Variants in MARK4 observed in about 807,000 individuals in gnomAD.
MARK4 encodes microtubule affinity regulating kinase 4.
In MARK4, 19 loss-of-function variants were observed where a neutral mutation model predicts 81.5. That is an observed-to-expected ratio of 0.23 (90% confidence interval 0.16 to 0.34). MARK4 has a LOEUF of 0.34. Among genes scored for constraint, MARK4 ranks in the 10% least tolerant of loss-of-function variants. The pLI is 1.00. For missense variants in MARK4, 772 were observed against 1,058.8 expected, an observed-to-expected ratio of 0.73 and a Z score of 3.76; for synonymous variants, 436 against 439.0, an observed-to-expected ratio of 0.99 and a Z score of 0.08.
At chr19:45,295,997 C>A (rs1027096042) in intron 14 of MARK4, among the ~76,000 whole-genome samples, 5 of 152,100 alleles carry the variant, frequency 3.3e-5, no homozygotes, top group African/African-American at 1.2e-4. Flanking sequence ...TGGCTCAGTG[C>A]CCCTAACAAC....
chr19:45,251,708 C>T, intron 1 of MARK4, 69 bp downstream of exon 1: 1 of 1,387,284 alleles, frequency 7.2e-7, no homozygotes, highest in Non-Finnish European at 9.7e-7. Flanking sequence ...CCCCGTTGTA[C>T]CCCTCGCCCC....
chr19:45,275,489 A>T (rs941000756), intron 8 of MARK4, among the ~76,000 whole-genome samples: 4 of 85,416 alleles, frequency 4.7e-5, no homozygotes, highest in African/African-American at 1.5e-4. Context: ...TGTCTCTTTA[A>T]AAAAAAAAAA....
intron 10 of MARK4, 149 bp downstream of exon 10, chr19:45,278,764 C>T (rs891080317): frequency 4.2e-5 from 26 of 615,910 alleles, no homozygotes; most frequent in East Asian, 2.1e-4. Flanking sequence ...CCGCCATGCC[C>T]GGCTAATTTT....
At chr19:45,257,776 A>G (rs1444196231) in intron 1 of MARK4, among the ~76,000 whole-genome samples, 1 of 131,284 alleles carries the variant, frequency 7.6e-6, no homozygotes, top group East Asian at 2.2e-4. Context: ...TGCAAGCTCC[A>G]CCTCCTGGGT....
chr19:45,273,284 A>G (rs1970554783), intron 8 of MARK4, among the ~76,000 whole-genome samples: 1 of 152,210 alleles, frequency 6.6e-6, no homozygotes, highest in Non-Finnish European at 1.5e-5. Flanking sequence ...CTGTATTTGC[A>G]CATGATCTTT....
intron 12 of MARK4, among the ~76,000 whole-genome samples, chr19:45,282,895 G>A (rs1970694785): frequency 6.6e-6 from 1 of 151,816 alleles, no homozygotes; most frequent in South Asian, 2.1e-4. Flanking sequence ...GGGAGGCTGA[G>A]GTAGGAAGAC....
At chr19:45,252,713 CA>C (rs1970259849) in intron 1 of MARK4, among the ~76,000 whole-genome samples, 1 of 152,184 alleles carries the variant, frequency 6.6e-6, no homozygotes, top group Non-Finnish European at 1.5e-5. Context: ...GCCCTGGTTT[CA>C]AGCCCTTTTC....
chr19:45,254,159 GCCAGCCTCC>G (rs1402773759), intron 1 of MARK4, among the ~76,000 whole-genome samples: 1 of 152,160 alleles, frequency 6.6e-6, no homozygotes, highest in African/African-American at 2.4e-5. Context: ...CCACCAGGGG[GCCAGCCTCC>G]CCAGGTTCCC....
At chr19:45,253,409 G>T (rs1021664616) in intron 1 of MARK4, among the ~76,000 whole-genome samples, 1 of 152,150 alleles carries the variant, frequency 6.6e-6, no homozygotes, top group South Asian at 2.1e-4. Flanking sequence ...CAGCTGGTTT[G>T]CCTTGTGTCC....
chr19:45,258,448 A>C (rs1256592648), intron 1 of MARK4, among the ~76,000 whole-genome samples: 1 of 152,036 alleles, frequency 6.6e-6, no homozygotes, highest in Non-Finnish European at 1.5e-5. Context: ...GGTGGCTCAC[A>C]TCTGTAATCC....
chr19:45,281,989 C>T (rs1475858214), intron 12 of MARK4, among the ~76,000 whole-genome samples: 3 of 151,866 alleles, frequency 2.0e-5, no homozygotes, highest in Admixed American at 6.6e-5. Flanking sequence ...CTTGGGAGGC[C>T]GAGGTGAGTG....
chr19:45,302,704 G>C lies in MARK4; in HGVS notation c.2253G>C (p.Glu751Asp). The C allele has an allele frequency of 1.3e-6, 2 of 1,536,260 alleles. No individual in the cohort carries two copies. Among genetic ancestry groups the C allele is most frequent in the South Asian group, 2.4e-5 (2 of 84,212 alleles). ...TCACCCGCATCTCCAACGACCTCGA[G>C]CTCTGAGCCACCACGGTCCCAGGGC... is the stretch of plus-strand genomic sequence containing the variant. ...TLVTRISNDL[E>D]L The change falls in exon 17 of 17, where the codon GAG (glutamate) becomes GAC (aspartate). Residue 751 changes from glutamate (E) to aspartate (D), a missense_variant. This residue lies in a region of MARK4 where 548 missense variants were observed against 624.3 expected (regional missense o/e 0.88). Coordinates refer to ENST00000262891, the MANE Select transcript of MARK4 (RefSeq NM_001199867.2). This position sits in a 1 kb window ranked among gnomAD's most constrained non-coding sequence, Gnocchi z 4.9.
intron 12 of MARK4, among the ~76,000 whole-genome samples, chr19:45,286,660 C>T (rs910921668): frequency 6.1e-4 from 92 of 152,042 alleles, no homozygotes; most frequent in African/African-American, 2.1e-3. Context: ...TTGCAGCAAG[C>T]TGAGGTCACA....
chr19:45,299,918 C>T (rs1970945703), intron 16 of MARK4, 63 bp downstream of exon 16: 2 of 1,520,416 alleles, frequency 1.3e-6, no homozygotes, highest in South Asian at 1.2e-5. Context: ...CCTCCCGACA[C>T]TTACCCCAGG....
chr19:45,257,383 C>CTT (rs35210904), intron 1 of MARK4, among the ~76,000 whole-genome samples: 25,383 of 124,272 alleles, frequency 0.2, 3,527 homozygotes, highest in Non-Finnish European at 0.29. Context: ...TTTTCTTTCT[C>CTT]TTTTTTTTTT....
At chr19:45,269,207 C>T (rs918252998) in intron 7 of MARK4, among the ~76,000 whole-genome samples, 2 of 152,004 alleles carry the variant, frequency 1.3e-5, no homozygotes, top group African/African-American at 2.4e-5. Flanking sequence ...GGCAAGACCT[C>T]GTCTCTACTA....
intron 16 of MARK4, among the ~76,000 whole-genome samples, chr19:45,300,752 C>T (rs1367882693): frequency 6.6e-6 from 1 of 152,172 alleles, no homozygotes; most frequent in Non-Finnish European, 1.5e-5. Context: ...CCAGGGCTGA[C>T]TCTCATTGGT....
chr19:45,288,097 A>C (rs931616294), intron 13 of MARK4: 1 of 217,374 alleles, frequency 4.6e-6, no homozygotes, highest in Non-Finnish European at 9.4e-6. Context: ...GCATCATGTT[A>C]TGTACCTGTG....
chr19:45,296,361 C>T (rs1228758862), intron 14 of MARK4, among the ~76,000 whole-genome samples: 1 of 152,220 alleles, frequency 6.6e-6, no homozygotes, highest in East Asian at 1.9e-4. Context: ...CCTCCAAGGA[C>T]CCAGGTAAGT....
Sources: allele counts gnomAD v4.1 joint callset (sites outside exome capture counted in the v4.1 genomes callset), GRCh38; gene constraint gnomAD v4.1.1; regional missense constraint gnomAD v4.1.1; non-coding constraint Gnocchi (gnomAD v3.1); transcripts MANE v1.5; gene names NCBI Gene and HGNC (gene_info 2026-07-23, HGNC 2026-07-21).